PTPRD: variants seen among roughly 807,000 people sequenced by gnomAD.
PTPRD encodes the protein protein tyrosine phosphatase receptor type D, also known as receptor-type tyrosine-protein phosphatase delta.
A neutral mutation model predicts 214.5 loss-of-function variants in PTPRD; 34 were observed. The observed-to-expected ratio is 0.16, with a 90% CI of 0.12 to 0.21. The LOEUF (loss-of-function observed/expected upper bound fraction) is 0.21. Ranked by LOEUF, PTPRD falls within the 10% of genes least tolerant of loss-of-function variation. PTPRD has a pLI of 1.00. For synonymous variants in PTPRD, 1,128 were observed against 845.7 expected (o/e 1.33, Z -5.79); for missense variants, 2,545 against 2,398.7 (o/e 1.06, Z -1.27).
chr9:10,019,835 G>A (rs2096809475), intron 4 of PTPRD, among the ~76,000 whole-genome samples: 4 of 152,048 alleles, frequency 2.6e-5, no homozygotes, highest in South Asian at 2.1e-4. Context: ...GTTAAATGAC[G>A]AGTTACTGGG....
At chr9:8,450,274 C>A (rs769464350) in intron 33 of PTPRD, among the ~76,000 whole-genome samples, 1 of 152,116 alleles carries the variant, frequency 6.6e-6, no homozygotes. Flanking sequence ...ATCTGTCCCC[C>A]TTAGCCCTAA....
chr9:9,952,769 A>G (rs2093571958), intron 4 of PTPRD, among the ~76,000 whole-genome samples: 1 of 152,170 alleles, frequency 6.6e-6, no homozygotes, highest in Non-Finnish European at 1.5e-5. Context: ...GAGTACCTGT[A>G]ATACTGTCAT....
At chr9:8,374,204 C>A (rs944649884) in intron 39 of PTPRD, among the ~76,000 whole-genome samples, 1 of 150,110 alleles carries the variant, frequency 6.7e-6, no homozygotes, top group Non-Finnish European at 1.5e-5. Context: ...TCTGCTAGAC[C>A]AAATTTTCTG....
intron 3 of PTPRD, among the ~76,000 whole-genome samples, chr9:10,252,718 G>A (rs1285780817): frequency 6.6e-6 from 1 of 152,056 alleles, no homozygotes; most frequent in Non-Finnish European, 1.5e-5. Context: ...ACTTAAAAAA[G>A]CCAAATTAAA....
At chr9:8,874,366 T>G (rs34777103) in intron 11 of PTPRD, among the ~76,000 whole-genome samples, 38,653 of 152,094 alleles carry the variant, frequency 0.25, 6,070 homozygotes, top group Non-Finnish European at 0.35. Context: ...GGACTGTTTT[T>G]TTTGCAATTT....
At position 9,697,937 on chromosome 9, in the gene PTPRD, A is replaced by C. The variant is rs185462399; in HGVS notation, c.-287+36596T>G. ...ACTTGATCCATTCTGCTATTGAGAG[A>C]CTTTAATGACTTTTTCAGTTCAGCA... On this transcript the variant is annotated intron_variant, in intron 7 of 45. Transcript: ENST00000381196. Among the ~76,000 whole-genome samples, 553 of 152,196 alleles carry C rather than the reference A, an allele frequency of 3.6e-3. 4 individuals are homozygous for C. The highest frequency in any genetic ancestry group is 0.012 in the African/African-American group (517 of 41,552).
chr9:8,428,092 C>T (rs1266992951), intron 35 of PTPRD, among the ~76,000 whole-genome samples: 1 of 152,138 alleles, frequency 6.6e-6, no homozygotes, highest in Non-Finnish European at 1.5e-5. Context: ...TAAGGTCACA[C>T]AGTTTGAGCT....
At chr9:9,685,245 C>T (rs1474057052) in intron 7 of PTPRD, among the ~76,000 whole-genome samples, 2 of 144,214 alleles carry the variant, frequency 1.4e-5, no homozygotes, top group Non-Finnish European at 3.0e-5. Context: ...TTTTGTATAG[C>T]ATATATATTA....
At chr9:9,366,489 T>C (rs1430185483) in intron 9 of PTPRD, among the ~76,000 whole-genome samples, 1 of 151,518 alleles carries the variant, frequency 6.6e-6, no homozygotes, top group Non-Finnish European at 1.5e-5. Context: ...CCAAGTGAGA[T>C]TACTGAAATT....
rs10977460 is a variant in PTPRD, at chr9:9,058,635, G to A, written c.-142-39900C>T. ...CGGCTAATTTTTTGTATTTTTAGTA[G>A]AGACGGGGTTTCACCGTGTTAGCCA... On this transcript the variant is annotated intron_variant, in intron 10 of 45. Transcript: ENST00000381196. 2.1e-3 allele frequency among the ~76,000 whole-genome samples: 313 copies of A among 150,792 alleles called. 1 individual carries two copies. Among genetic ancestry groups the A allele is most frequent in the African/African-American group, 7.3e-3 (300 of 41,256 alleles).
chr9:9,954,297 C>CAAAAAAAAAAAAAAA (rs781628679), intron 4 of PTPRD, among the ~76,000 whole-genome samples: 2 of 53,752 alleles, frequency 3.7e-5, no homozygotes, highest in African/African-American at 5.1e-5. Flanking sequence ...TGTCTCAAAA[C>CAAAAAAAAAAAAAAA]AAAAAAAAAA....
Position 9,511,708 on chromosome 9 carries a change from A to G in PTPRD, c.-237+63024T>C, listed in dbSNP as rs2096713326. ...TTTCTCAAATGTTTATTAATTCTTT[A>G]AACATATATTAATACTTTCAAAATT... On this transcript the variant is annotated intron_variant, in intron 8 of 45. Coordinates refer to ENST00000381196, the MANE Select transcript of PTPRD (RefSeq NM_002839.4). 2.6e-5 allele frequency among the ~76,000 whole-genome samples: 4 copies of G among 151,914 alleles called. No individual in the cohort carries two copies. The South Asian group carries it at 6.2e-4, about 24-fold the overall frequency.
intron 43 of PTPRD, among the ~76,000 whole-genome samples, chr9:8,338,303 T>G (rs774923397): frequency 6.6e-6 from 1 of 152,062 alleles, no homozygotes. Flanking sequence ...ACATCAGGGC[T>G]GAACCTTGGA....
intron 35 of PTPRD, among the ~76,000 whole-genome samples, chr9:8,406,973 C>T (rs1352784918): frequency 6.6e-6 from 1 of 152,168 alleles, no homozygotes; most frequent in Non-Finnish European, 1.5e-5. Flanking sequence ...CTAAGATCAC[C>T]CACAGATGTA....
At chr9:10,089,362 T>C (rs1032823873) in intron 3 of PTPRD, among the ~76,000 whole-genome samples, 3 of 151,626 alleles carry the variant, frequency 2.0e-5, no homozygotes, top group East Asian at 1.9e-4. Flanking sequence ...AAAGATCTTG[T>C]ATATGGAATA....
intron 3 of PTPRD, among the ~76,000 whole-genome samples, chr9:10,243,002 A>T (rs1475735062): frequency 5.9e-5 from 9 of 151,922 alleles, no homozygotes; most frequent in African/African-American, 2.2e-4. Flanking sequence ...AAAAGTTTTA[A>T]CAGTTCATAC....
Position 8,497,280 on chromosome 9 carries a change from T to G in PTPRD, c.2323-12A>C. The G allele has an allele frequency of 2.5e-6, 4 of 1,593,686 alleles. No individual in the cohort carries two copies. The highest frequency in any genetic ancestry group is 3.4e-6 in the Non-Finnish European group (4 of 1,171,958). On this transcript the variant is annotated splice_polypyrimidine_tract_variant and intron_variant, in intron 25 of 45. Transcript: ENST00000381196. Reference sequence around the variant, plus strand: ...TCATCAAATTCCCACTGATTGAGAATAAGAAGGTTGGGAGGAAAACAAAAT... The same window carrying G: ...TCATCAAATTCCCACTGATTGAGAAGAAGAAGGTTGGGAGGAAAACAAAAT...
At chr9:9,192,904 G>C (rs1429566798) in intron 9 of PTPRD, among the ~76,000 whole-genome samples, 1 of 152,050 alleles carries the variant, frequency 6.6e-6, no homozygotes, top group Non-Finnish European at 1.5e-5. Flanking sequence ...TCATTTCTCT[G>C]AGAAGAGAAG....
intron 3 of PTPRD, among the ~76,000 whole-genome samples, chr9:10,327,163 A>ATG (rs199852539): frequency 0.018 from 1,586 of 90,604 alleles, 12 homozygotes; most frequent in African/African-American, 0.051. Context: ...GTGCACATAT[A>ATG]TGTGTGTGTA....
Sources: allele counts gnomAD v4.1 joint callset (sites outside exome capture counted in the v4.1 genomes callset), GRCh38; gene constraint gnomAD v4.1.1; transcripts MANE v1.5; gene names NCBI Gene and HGNC (gene_info 2026-07-23, HGNC 2026-07-21).